SDK2: variants seen among roughly 807,000 people sequenced by gnomAD.
SDK2 encodes sidekick cell adhesion molecule 2.
A neutral mutation model predicts 253.9 loss-of-function variants in SDK2; 105 were observed. The observed-to-expected ratio is 0.41, with a 90% CI of 0.35 to 0.49. SDK2 has a LOEUF of 0.49. Ranked by LOEUF, SDK2 falls within the 20% of genes least tolerant of loss-of-function variation. The pLI, the probability that SDK2 is intolerant of heterozygous loss-of-function variation, is 0.06. For missense variants in SDK2, 2,608 were observed against 3,003.0 expected (o/e 0.87, Z 3.07); for synonymous variants, 1,249 against 1,234.9 (o/e 1.01, Z -0.24).
intron 2 of SDK2, among the ~76,000 whole-genome samples, chr17:73,500,946 T>C (rs1266510054): frequency 6.6e-6 from 1 of 152,204 alleles, no homozygotes; most frequent in Non-Finnish European, 1.5e-5. Context: ...CCCTGTCCTG[T>C]CATTTCTCCA....
chr17:73,457,282 C>A, intron 3 of SDK2, among the ~76,000 whole-genome samples: 1 of 43,122 alleles, frequency 2.3e-5, no homozygotes, highest in Admixed American at 2.7e-4. Context: ...TTCCTTCCTT[C>A]CTTCCCCCCT....
chr17:73,616,294 G>A lies in SDK2; in HGVS notation c.64+27731C>T, dbSNP rs1283532803. ...CCCCACCCTCTCCCCGCCTGTCTGA[G>A]CTAGACAAATTTCCACCCCCGGCTC... is the stretch of plus-strand genomic sequence containing the variant. On this transcript the variant is annotated intron_variant, in intron 1 of 44. Coordinates refer to ENST00000392650, the MANE Select transcript of SDK2 (RefSeq NM_001144952.2). This position sits in a 1 kb window ranked among gnomAD's most constrained non-coding sequence, Gnocchi z 5.2. Among the ~76,000 whole-genome samples, 1 of 151,972 alleles carries A rather than the reference G, an allele frequency of 6.6e-6. No individual in the cohort carries two copies. Among genetic ancestry groups the A allele is most frequent in the Non-Finnish European group, 1.5e-5 (1 of 68,014 alleles).
chr17:73,609,513 CA>C lies in SDK2; in HGVS notation c.64+34511del, dbSNP rs913662212. ...AGAAAGGGAAGACAGGAATTAGAGA[CA>C]GGGGCATTAGCAACTTTTTCATGAC... On this transcript the variant is annotated intron_variant, in intron 1 of 44. Coordinates refer to ENST00000392650, the MANE Select transcript of SDK2 (RefSeq NM_001144952.2). The surrounding 1 kb of genome is among the most constrained non-coding windows in gnomAD (Gnocchi z 4.4). Among the ~76,000 whole-genome samples the C allele has an allele frequency of 8.7e-4, 133 of 152,254 alleles. No individual in the cohort carries two copies. Among genetic ancestry groups the C allele is most frequent in the African/African-American group, 2.9e-3 (120 of 41,544 alleles).
At chr17:73,366,842 C>T (rs1410816687) in intron 37 of SDK2, among the ~76,000 whole-genome samples, 3 of 152,060 alleles carry the variant, frequency 2.0e-5, no homozygotes, top group African/African-American at 7.2e-5. Context: ...CTCTCCTCTG[C>T]ACCCGCCACC....
At chr17:73,349,634 A>ACGAGCCTTGTCCTGTCCTCGCG (rs1568360707) in intron 43 of SDK2, among the ~76,000 whole-genome samples, 1 of 152,142 alleles carries the variant, frequency 6.6e-6, no homozygotes, top group African/African-American at 2.4e-5. Flanking sequence ...CTGTGCTTGC[A>ACGAGCCTTGTCCTGTCCTCGCG]CCACGAGCCT....
intron 15 of SDK2, among the ~76,000 whole-genome samples, chr17:73,419,707 C>CA (rs1417558739): frequency 1.5e-4 from 9 of 59,112 alleles, no homozygotes; most frequent in African/African-American, 3.6e-4. Flanking sequence ...CTGTCTCTAC[C>CA]AAAAAAAACA....
Position 73,588,197 on chromosome 17 carries a change from A to ACCCCCC in SDK2, c.64+55822_64+55827dup, listed in dbSNP as rs57740393. On this transcript the variant is annotated intron_variant, in intron 1 of 44. Transcript: ENST00000392650. ...AGACCAGCCTGACCAACATGGAGAG[A>ACCCCCC]CCCCCCCCCCTCCCCCGCCATCTCT... Among the ~76,000 whole-genome samples the ACCCCCC allele has an allele frequency of 7.6e-5, 10 of 130,860 alleles. 1 individual carries two copies. Among genetic ancestry groups the ACCCCCC allele is most frequent in the African/African-American group, 2.0e-4 (7 of 34,808 alleles). The allele number at this position is 130,860 out of a possible 152,430, so 85.8% of individuals were successfully genotyped here.
At position 73,619,231 on chromosome 17, in the gene SDK2, G is replaced by A. The variant is rs150786949; in HGVS notation, c.64+24794C>T. 1.2e-4 allele frequency among the ~76,000 whole-genome samples: 18 copies of A among 151,420 alleles called. No homozygotes were observed. In the East Asian group the frequency reaches 2.5e-3, roughly 21 times the overall value. On this transcript the variant is annotated intron_variant, in intron 1 of 44. Transcript: ENST00000392650. ...GAGTGAACCAAAGTGGGCAGACACC[G>A]GAGAGAACTGGCTGCTTGGAAGAAA...
At chr17:73,539,204 GT>G (rs1201498243) in intron 1 of SDK2, among the ~76,000 whole-genome samples, 2 of 152,184 alleles carry the variant, frequency 1.3e-5, no homozygotes, top group Non-Finnish European at 2.9e-5. Context: ...CTTTGGAGAT[GT>G]TTCCTTGTCG....
chr17:73,394,478 A>G (rs1220350109), intron 25 of SDK2, among the ~76,000 whole-genome samples, 154 bp from the exon 26 acceptor site: 2 of 152,174 alleles, frequency 1.3e-5, no homozygotes, highest in African/African-American at 4.8e-5. Context: ...ACTGCAAACA[A>G]TCCCACTAAG....
chr17:73,355,700 T>C (rs2145409074), intron 40 of SDK2, among the ~76,000 whole-genome samples: 1 of 152,210 alleles, frequency 6.6e-6, no homozygotes, highest in East Asian at 1.9e-4. Context: ...GGCTGTGAAA[T>C]CCCTCAAGGG....
rs1167499441 is a variant in SDK2, at chr17:73,616,392, AC to A, written c.64+27632del. Among the ~76,000 whole-genome samples the A allele has an allele frequency of 6.6e-6, 1 of 152,124 alleles. No individual in the cohort carries two copies. Among genetic ancestry groups the A allele is most frequent in the Non-Finnish European group, 1.5e-5 (1 of 68,024 alleles). On this transcript the variant is annotated intron_variant, in intron 1 of 44. Coordinates refer to ENST00000392650, the MANE Select transcript of SDK2 (RefSeq NM_001144952.2). The surrounding 1 kb of genome is among the most constrained non-coding windows in gnomAD (Gnocchi z 5.2). ...ATGCAGGCTCAGGAAGGAGAAAAAA[AC>A]AAGAGGGAAAGAGGCAAGCAACGGT...
intron 18 of SDK2, among the ~76,000 whole-genome samples, chr17:73,412,684 GGCA>G (rs1276120023): frequency 1.3e-5 from 2 of 152,126 alleles, no homozygotes; most frequent in African/African-American, 4.8e-5. Flanking sequence ...GGGAGGCCGA[GGCA>G]GTCGAATTAC....
chr17:73,521,344 T>C (rs927876675), intron 1 of SDK2: 1 of 152,022 alleles, frequency 6.6e-6, no homozygotes, highest in Non-Finnish European at 1.5e-5. Context: ...AAATGGCTAA[T>C]TTTATGTCAT....
chr17:73,602,988 G>T (rs575106740), intron 1 of SDK2, among the ~76,000 whole-genome samples: 1 of 152,246 alleles, frequency 6.6e-6, no homozygotes, highest in Non-Finnish European at 1.5e-5. Flanking sequence ...GCCTCCCAAA[G>T]TGTTGGGATT....
At chr17:73,593,649 CAT>C (rs2045715369) in intron 1 of SDK2, among the ~76,000 whole-genome samples, 1 of 152,236 alleles carries the variant, frequency 6.6e-6, no homozygotes, top group African/African-American at 2.4e-5. Flanking sequence ...GTGCCACTCA[CAT>C]GTTTACTGAT....
intron 1 of SDK2, among the ~76,000 whole-genome samples, chr17:73,548,946 T>C (rs1261544948): frequency 6.6e-6 from 1 of 152,200 alleles, no homozygotes; most frequent in Non-Finnish European, 1.5e-5. Flanking sequence ...GCTGAAGCTG[T>C]CAGCTCTCTC....
At chr17:73,446,658 T>C (rs1479204110) in intron 5 of SDK2, among the ~76,000 whole-genome samples, 1 of 152,162 alleles carries the variant, frequency 6.6e-6, no homozygotes, top group Admixed American at 6.5e-5. Context: ...GGTGGGCAAG[T>C]ACCATCGTGA....
intron 1 of SDK2, among the ~76,000 whole-genome samples, chr17:73,605,612 C>T (rs930793809): frequency 6.6e-6 from 1 of 152,152 alleles, no homozygotes; most frequent in East Asian, 1.9e-4. Flanking sequence ...AGCATCACCT[C>T]CTCCAGGAAG....
Sources: allele counts gnomAD v4.1 joint callset (sites outside exome capture counted in the v4.1 genomes callset), GRCh38; gene constraint gnomAD v4.1.1; non-coding constraint Gnocchi (gnomAD v3.1); transcripts MANE v1.5; gene names NCBI Gene and HGNC (gene_info 2026-07-23, HGNC 2026-07-21).